Variants in GFRA2 observed in about 807,000 individuals in gnomAD.
The protein encoded by GFRA2 is GDNF family receptor alpha-2.
In GFRA2, 17 loss-of-function variants were observed where a neutral mutation model predicts 48.3. The ratio of observed to expected loss-of-function variants is 0.35; its 90% CI spans 0.24 to 0.53. GFRA2 has a LOEUF of 0.53. GFRA2 is among the 20% of genes least tolerant of loss of function. The pLI, the probability that GFRA2 is intolerant of heterozygous loss-of-function variation, is 0.93. For missense variants in GFRA2, 660 were observed against 637.3 expected (o/e 1.04, Z -0.38); for synonymous variants, 305 against 257.2 (o/e 1.19, Z -1.78).
At chr8:21,794,419 T>C (rs2076459513) in intron 2 of GFRA2, among the ~76,000 whole-genome samples, 1 of 150,814 alleles carries the variant, frequency 6.6e-6, no homozygotes, top group African/African-American at 2.4e-5. Context: ...CCCAGCTAAT[T>C]TTTGTATTTT....
chr8:21,773,896 G>A (rs1806559471), intron 3 of GFRA2, among the ~76,000 whole-genome samples: 1 of 152,132 alleles, frequency 6.6e-6, no homozygotes, highest in Admixed American at 6.5e-5. Context: ...GCATCCAGTG[G>A]GGCCGGGGAC....
intron 6 of GFRA2, 122 bp downstream of exon 6, chr8:21,704,863 A>T: frequency 1.3e-6 from 1 of 792,840 alleles, no homozygotes; most frequent in Non-Finnish European, 2.1e-6. Flanking sequence ...GGCAACACCC[A>T]TGGCGGAGAA....
chr8:21,811,300 TGAGATTGAGAGGCAGTGTCTCC>T (rs1275681000), intron 1 of GFRA2, among the ~76,000 whole-genome samples: 1 of 152,148 alleles, frequency 6.6e-6, no homozygotes, highest in Non-Finnish European at 1.5e-5. Context: ...AGAGCTGGAC[TGAGATTGAGAGGCAGTGTCTCC>T]CCTGGGACTC....
chr8:21,764,413 G>A (rs1806056824), intron 3 of GFRA2, among the ~76,000 whole-genome samples: 1 of 152,224 alleles, frequency 6.6e-6, no homozygotes, highest in African/African-American at 2.4e-5. Flanking sequence ...TAAAACCCTT[G>A]CCTTGGGGCT....
chr8:21,707,386 A>G (rs1802800811), intron 4 of GFRA2, among the ~76,000 whole-genome samples: 1 of 152,242 alleles, frequency 6.6e-6, no homozygotes, highest in Admixed American at 6.5e-5. Flanking sequence ...AGAGGGACTG[A>G]GCCAGCCTGA....
Position 21,782,605 on chromosome 8 carries a change from A to T in GFRA2, c.335T>A (p.Ile112Asn). 6.3e-7 allele frequency: 1 copy of T among 1,581,874 alleles called. No individual in the cohort carries two copies. The change falls in exon 2 of 9, where the codon ATC becomes AAC. Residue 112 changes from isoleucine (I) to asparagine (N), a missense_variant. Physicochemically the swap from Ile to Asn is moderately radical, Grantham distance 149. Transcript: ENST00000524240. ...ELQCLQIYWS[I>N]HLGLTEGEEF... ...CTTACCCTCGGTCAGCCCCAGGTGG[A>T]TGCTCCAGTAGATCTGCAGACACTG...
intron 4 of GFRA2, among the ~76,000 whole-genome samples, chr8:21,730,772 C>A (rs1314139638): frequency 6.6e-6 from 1 of 152,216 alleles, no homozygotes; most frequent in Non-Finnish European, 1.5e-5. Flanking sequence ...GCAGCACGTG[C>A]TTTATTAATG....
intron 6 of GFRA2, 98 bp from the exon 7 acceptor site, chr8:21,703,075 C>A: frequency 1.4e-6 from 1 of 738,530 alleles, no homozygotes; most frequent in Non-Finnish European, 2.1e-6. Context: ...ACCCCCTTCC[C>A]TGGAATGGTC....
intron 4 of GFRA2, among the ~76,000 whole-genome samples, chr8:21,707,411 T>G (rs1438942324): frequency 6.6e-6 from 1 of 152,176 alleles, no homozygotes; most frequent in Non-Finnish European, 1.5e-5. Context: ...GGAGAGAGAA[T>G]GCAGGCTTTC....
At chr8:21,707,529 G>A (rs1409098820) in intron 4 of GFRA2, among the ~76,000 whole-genome samples, 1 of 152,130 alleles carries the variant, frequency 6.6e-6, no homozygotes, top group South Asian at 2.1e-4. Context: ...CCGCGATCCT[G>A]AGGGATGGTT....
At chr8:21,786,462 C>A (rs1251100528) in intron 1 of GFRA2, among the ~76,000 whole-genome samples, 1 of 152,210 alleles carries the variant, frequency 6.6e-6, no homozygotes, top group African/African-American at 2.4e-5. Flanking sequence ...ATGCTTGGAC[C>A]CAGAAGGCTG....
rs1472338436 is a variant in GFRA2, at chr8:21,782,603, G to T, written c.337C>A (p.His113Asn). 6.3e-7 allele frequency: 1 copy of T among 1,581,380 alleles called. No homozygotes were observed. The highest frequency in any genetic ancestry group is 1.8e-5 in the Admixed American group (1 of 55,728). The change falls in exon 2 of 9, where the codon CAC (histidine) becomes AAC (asparagine). Residue 113 changes from histidine (H) to asparagine (N), a missense_variant. His to Asn is a moderately conservative substitution (Grantham distance 68, BLOSUM62 1). Transcript: ENST00000524240. ...GGCTTACCCTCGGTCAGCCCCAGGT[G>T]GATGCTCCAGTAGATCTGCAGACAC... Reference protein sequence around the residue: ...LQCLQIYWSIHLGLTEGEEFY... With the variant: ...LQCLQIYWSINLGLTEGEEFY...
intron 4 of GFRA2, among the ~76,000 whole-genome samples, chr8:21,710,934 T>C (rs1802990753): frequency 6.6e-6 from 1 of 152,160 alleles, no homozygotes; most frequent in South Asian, 2.1e-4. Flanking sequence ...CTTTGATTGC[T>C]AAAGTTTCTC....
rs1239871391 is a variant in GFRA2 at position 21,702,909 on chromosome 8, C to T, written c.1114G>A (p.Ala372Thr). 1.6e-5 allele frequency: 26 copies of T among 1,592,020 alleles called. No individual in the cohort carries two copies. Among genetic ancestry groups the T allele is most frequent in the East Asian group, 2.3e-5 (1 of 44,266 alleles). ...NVSPKGPSFQATQAPRVEKTP... is the reference protein window; with the variant it reads ...NVSPKGPSFQTTQAPRVEKTP... The stretch of plus-strand genomic sequence containing the variant: ...TTCTCCACCCGAGGGGCCTGGGTGG[C>T]CTGGAACGAGGGGCCTTTTGGGGAC... The change falls in exon 7 of 9, where the codon GCC becomes ACC. Residue 372 changes from alanine (A) to threonine (T), a missense_variant. Transcript: ENST00000524240.
intron 1 of GFRA2, among the ~76,000 whole-genome samples, chr8:21,808,336 T>A (rs1450304198): frequency 6.6e-6 from 1 of 152,174 alleles, no homozygotes; most frequent in Non-Finnish European, 1.5e-5. Flanking sequence ...ATAGAGATGG[T>A]GATTTCTTGC....
chr8:21,782,856 G>T lies in GFRA2; in HGVS notation c.84C>A (p.Gly28=), dbSNP rs1430370547. Reference sequence around the variant, plus strand: ...GGGGGCGCCAGCCGTGGAGCTCGGGGCCCTGCAGGGAGGAAGGGCTGGCCA... The same window carrying T: ...GGGGGCGCCAGCCGTGGAGCTCGGGTCCCTGCAGGGAGGAAGGGCTGGCCA... ...RSLASPSSLQ[G]PELHGWRPPV... The change falls in exon 2 of 9, where the codon GGC becomes GGA. Residue 28 remains glycine, a synonymous_variant. Transcript: ENST00000524240. The T allele has an allele frequency of 3.6e-5, 57 of 1,568,162 alleles. No individual in the cohort carries two copies. Among genetic ancestry groups the T allele is most frequent in the Non-Finnish European group, 4.6e-5 (54 of 1,164,140 alleles).
chr8:21,811,091 G>A (rs1401024897), intron 1 of GFRA2, among the ~76,000 whole-genome samples: 1 of 152,140 alleles, frequency 6.6e-6, no homozygotes, highest in African/African-American at 2.4e-5. Context: ...GGCCCCAGGA[G>A]AGAAGGGGAG....
chr8:21,690,895 T>G lies in GFRA2; in HGVS notation c.*2383A>C, dbSNP rs908603690. ...CCTTCCAGTAAAGTACTTTTTAAGT[T>G]AAATGGTCTTTGCTGTTTGCAAAGA... On this transcript the variant is annotated 3_prime_UTR_variant, in exon 9 of 9. Transcript: ENST00000524240. 6.6e-6 allele frequency: 1 copy of G among 152,218 alleles called. No individual in the cohort carries two copies. Among genetic ancestry groups the G allele is most frequent in the Admixed American group, 6.5e-5 (1 of 15,272 alleles). The allele number at this position is 152,218 out of a possible 1,614,324, so 9.4% of individuals were successfully genotyped here.
rs7826330 is a variant in GFRA2 at position 21,691,153 on chromosome 8, G to A, written c.*2125C>T. ...CCTATTGTCCAGTTGAAATGGGATG[G>A]GCTCACATGCAGCCCTGAAGGCCAG... On this transcript the variant is annotated 3_prime_UTR_variant, in exon 9 of 9. Coordinates refer to ENST00000524240, the MANE Select transcript of GFRA2 (RefSeq NM_001495.5). The A allele has an allele frequency of 0.34, 51,514 of 152,140 alleles. 9,183 individuals are homozygous for A. Among genetic ancestry groups the A allele is most frequent in the Middle Eastern group, 0.44 (129 of 294 alleles). 9.4% of individuals were successfully genotyped at this position (152,140 alleles called of 1,614,324 possible).
Sources: gnomAD v4.1 joint callset for allele counts (sites outside exome capture counted in the v4.1 genomes callset) on GRCh38, gnomAD v4.1.1 for gene constraint, MANE v1.5 for transcripts, NCBI Gene and HGNC (gene_info 2026-07-23, HGNC 2026-07-21) for gene names.